The following STPG2 variants were observed in gnomAD, a reference collection of about 807,000 sequenced individuals.
STPG2 encodes sperm tail PG-rich repeat containing 2.
STPG2 carries 56 observed loss-of-function variants against 54.2 expected under a neutral mutation model. The ratio of observed to expected loss-of-function variants is 1.03; its 90% CI spans 0.83 to 1.29. STPG2 has a LOEUF of 1.29. STPG2 is among the 50% of genes most tolerant of loss of function. The pLI, the probability that STPG2 is intolerant of heterozygous loss-of-function variation, is 0.00. For missense variants in STPG2, 596 were observed against 544.9 expected (o/e 1.09, Z -0.93); for synonymous variants, 200 against 181.8 (o/e 1.10, Z -0.81).
chr4:97,632,238 G>C (rs956314041), intron 10 of STPG2, among the ~76,000 whole-genome samples: 1 of 146,880 alleles, frequency 6.8e-6, no homozygotes, highest in Non-Finnish European at 1.5e-5. Flanking sequence ...AGATTTTTTT[G>C]TTTTTAGGTT....
At chr4:97,704,752 A>G (rs1331065969) in intron 10 of STPG2, among the ~76,000 whole-genome samples, 1 of 152,228 alleles carries the variant, frequency 6.6e-6, no homozygotes, top group Non-Finnish European at 1.5e-5. Context: ...AAACTACAGT[A>G]TAAAAGTGAG....
chr4:98,018,544 G>A (rs1341178261), intron 5 of STPG2, among the ~76,000 whole-genome samples: 1 of 152,080 alleles, frequency 6.6e-6, no homozygotes, highest in Admixed American at 6.6e-5. Flanking sequence ...GTAATGGGAT[G>A]GCTGGGTCAA....
chr4:97,875,404 T>A (rs1730140269), intron 8 of STPG2, among the ~76,000 whole-genome samples: 1 of 149,872 alleles, frequency 6.7e-6, no homozygotes, highest in Non-Finnish European at 1.5e-5. Flanking sequence ...AAAAAAAAGA[T>A]CAGAGCCTAA....
rs532295832 is a variant in STPG2, at chr4:98,035,427, G to A, written c.613-54109C>T. On this transcript the variant is annotated intron_variant, in intron 5 of 10. Coordinates refer to ENST00000295268, the MANE Select transcript of STPG2 (RefSeq NM_174952.3). ...ACCATCTCATGCCAGTTAGAAAGGC[G>A]ATCATTAAAAGTCAGGAAACAGATG... is the stretch of plus-strand genomic sequence containing the variant. Among the ~76,000 whole-genome samples, 18 of 152,080 alleles carry A rather than the reference G, an allele frequency of 1.2e-4. No individual in the cohort carries two copies. The South Asian group carries it at 1.2e-3, about 11-fold the overall frequency.
chr4:97,536,832 T>C (rs1257039839), intron 4 of STPG2, among the ~76,000 whole-genome samples: 1 of 152,126 alleles, frequency 6.6e-6, no homozygotes, highest in African/African-American at 2.4e-5. Flanking sequence ...TATCTCACAA[T>C]GGAGAATGAA....
intron 5 of STPG2, among the ~76,000 whole-genome samples, chr4:98,085,712 T>C (rs1201055490): frequency 6.6e-6 from 1 of 152,096 alleles, no homozygotes; most frequent in Non-Finnish European, 1.5e-5. Flanking sequence ...AATTTATTTT[T>C]CTATGTTAAT....
At chr4:97,952,775 A>G (rs1733522427) in intron 7 of STPG2, among the ~76,000 whole-genome samples, 1 of 152,204 alleles carries the variant, frequency 6.6e-6, no homozygotes, top group Non-Finnish European at 1.5e-5. Flanking sequence ...AACTGGTCAC[A>G]TGGACAGACT....
intron 4 of STPG2, among the ~76,000 whole-genome samples, chr4:97,442,407 T>C (rs756509735): frequency 6.6e-6 from 1 of 152,080 alleles, no homozygotes; most frequent in East Asian, 1.9e-4. Flanking sequence ...ATTAAACTTA[T>C]CTCTAATTGT....
At chr4:98,095,030 A>C (rs1006999509) in intron 5 of STPG2, among the ~76,000 whole-genome samples, 1 of 152,146 alleles carries the variant, frequency 6.6e-6, no homozygotes. Context: ...ACAAAAAGTT[A>C]AAAAAACAGA....
intron 1 of STPG2, 106 bp from the exon 2 acceptor site, chr4:98,134,565 CTT>C: frequency 2.1e-6 from 1 of 465,232 alleles, no homozygotes; most frequent in Non-Finnish European, 3.5e-6. Flanking sequence ...ATTGTTAAGA[CTT>C]TATTTTCAGA....
chr4:97,744,272 T>C (rs1468586844), intron 9 of STPG2, among the ~76,000 whole-genome samples: 1 of 151,344 alleles, frequency 6.6e-6, no homozygotes, highest in Admixed American at 6.6e-5. Flanking sequence ...ATATGTAGTA[T>C]TTTGAGTAAT....
At chr4:97,966,807 G>A (rs1265639662) in intron 7 of STPG2, among the ~76,000 whole-genome samples, 1 of 152,126 alleles carries the variant, frequency 6.6e-6, no homozygotes, top group Admixed American at 6.5e-5. Context: ...ATCCTTAACA[G>A]AAACGCAAAG....
intron 5 of STPG2, among the ~76,000 whole-genome samples, chr4:98,028,278 G>A (rs1342122851): frequency 6.6e-6 from 1 of 152,084 alleles, no homozygotes; most frequent in Non-Finnish European, 1.5e-5. Flanking sequence ...GGTTTCTTTT[G>A]GCTTAACAGT....
At chr4:98,113,644 A>G (rs1174946743) in intron 3 of STPG2, among the ~76,000 whole-genome samples, 1 of 152,010 alleles carries the variant, frequency 6.6e-6, no homozygotes, top group African/African-American at 2.4e-5. Flanking sequence ...ACAGTCTTAT[A>G]AAGCACTATC....
chr4:97,648,954 G>A (rs988015676), intron 10 of STPG2, among the ~76,000 whole-genome samples: 2 of 152,036 alleles, frequency 1.3e-5, no homozygotes, highest in Non-Finnish European at 2.9e-5. Flanking sequence ...ACACATCCAG[G>A]TTATAAACTT....
chr4:97,599,827 A>AC (rs1733409600), intron 10 of STPG2, among the ~76,000 whole-genome samples: 1 of 149,778 alleles, frequency 6.7e-6, no homozygotes, highest in African/African-American at 2.5e-5. Context: ...CTGTCTCAAA[A>AC]AAAAAAAAAA....
chr4:97,661,540 A>G (rs1722376913), intron 10 of STPG2, among the ~76,000 whole-genome samples: 1 of 152,144 alleles, frequency 6.6e-6, no homozygotes, highest in African/African-American at 2.4e-5. Context: ...ATTTCAAACA[A>G]TTTGCAAACA....
intron 5 of STPG2, among the ~76,000 whole-genome samples, chr4:98,066,730 C>G (rs1208234594): frequency 6.6e-6 from 1 of 152,154 alleles, no homozygotes; most frequent in Non-Finnish European, 1.5e-5. Context: ...ACCAGAGCAA[C>G]TACTGTTGTT....
At chr4:97,953,189 C>T (rs371858731) in intron 7 of STPG2, among the ~76,000 whole-genome samples, 4 of 152,170 alleles carry the variant, frequency 2.6e-5, no homozygotes, top group South Asian at 2.1e-4. Context: ...CAGAGGAATT[C>T]GTTGGCCACT....
Sources: allele counts gnomAD v4.1 joint callset (sites outside exome capture counted in the v4.1 genomes callset), GRCh38; gene constraint gnomAD v4.1.1; transcripts MANE v1.5; gene names NCBI Gene and HGNC (gene_info 2026-07-23, HGNC 2026-07-21).